MACF1: variants seen among roughly 807,000 people sequenced by gnomAD.
MACF1 encodes the protein microtubule actin crosslinking factor 1, also known as microtubule-actin cross-linking factor 1.
Under a neutral mutation model 854.8 loss-of-function variants are expected in MACF1, and 193 were observed. The ratio of observed to expected loss-of-function variants is 0.23; its 90% CI spans 0.20 to 0.25. The LOEUF (loss-of-function observed/expected upper bound fraction) is 0.25. Among genes scored for constraint, MACF1 ranks in the 10% least tolerant of loss-of-function variants. The probability of loss-of-function intolerance (pLI) is 1.00; values close to 1 mark genes in which losing one functional copy is unlikely to be tolerated. For synonymous variants in MACF1, 3,185 were observed against 3,226.7 expected (o/e 0.99, Z 0.44); for missense variants, 7,722 against 8,929.1 (o/e 0.86, Z 5.45).
chr1:39,134,969 C>T (rs1366290451), intron 2 of MACF1, among the ~76,000 whole-genome samples: 1 of 152,156 alleles, frequency 6.6e-6, no homozygotes, highest in Non-Finnish European at 1.5e-5. Context: ...CCCCTGGCAA[C>T]CACAATTCTA....
At chr1:39,372,620 T>C in intron 52 of MACF1, 24 bp downstream of exon 52, 11 of 1,492,042 alleles carry the variant, frequency 7.4e-6, no homozygotes, top group African/African-American at 1.4e-5. Context: ...CTTCAAAATA[T>C]AGTGAATAAA....
At chr1:39,439,181 T>C in intron 71 of MACF1, 93 bp from the exon 72 acceptor site, 1 of 596,404 alleles carries the variant, frequency 1.7e-6, no homozygotes, top group Non-Finnish European at 3.0e-6. Flanking sequence ...AATAGTTTCA[T>C]TGAAAAGGTC....
At chr1:39,449,697 A>AT (rs4012670) in intron 84 of MACF1, among the ~76,000 whole-genome samples, 4,517 of 129,738 alleles carry the variant, frequency 0.035, 152 homozygotes, top group African/African-American at 0.077. Flanking sequence ...CGCGCCTGGC[A>AT]TTTTTTTTTT....
intron 2 of MACF1, among the ~76,000 whole-genome samples, chr1:39,192,878 C>G (rs1296609702): frequency 6.6e-6 from 1 of 152,070 alleles, no homozygotes; most frequent in African/African-American, 2.4e-5. Context: ...TAACCCGAGG[C>G]GGGTGGATAT....
chr1:39,115,087 A>T (rs1172852359), intron 2 of MACF1, among the ~76,000 whole-genome samples: 1 of 152,168 alleles, frequency 6.6e-6, no homozygotes, highest in African/African-American at 2.4e-5. Context: ...TTTGTATGTC[A>T]TATTGTATAG....
chr1:39,343,898 C>T (rs1035138737), intron 40 of MACF1, among the ~76,000 whole-genome samples: 1 of 152,076 alleles, frequency 6.6e-6, no homozygotes, highest in Non-Finnish European at 1.5e-5. Flanking sequence ...GGCGGATCAC[C>T]TGAGGTCGGG....
In MACF1 at chr1:39,439,308, C is replaced by A. The variant is rs768625818; in HGVS notation, c.18255C>A (p.Phe6085Leu). ...IQDKLDQMVF[F>L]WEDIKARAEE... The stretch of plus-strand genomic sequence containing the variant: ...ATAAATTGGATCAAATGGTATTCTT[C>A]TGGGAGGACATCAAAGCTCGGGCTG... The change falls in exon 72 of 101, where the codon TTC (phenylalanine) becomes TTA (leucine). Residue 6085 changes from phenylalanine (F) to leucine (L), a missense_variant. Phe to Leu is a conservative substitution (Grantham distance 22). Around this residue, in one of 15 missense-constraint regions of MACF1, gnomAD observed 2,807 missense variants for 3,235.8 expected, o/e 0.87. Coordinates refer to ENST00000564288, the MANE Select transcript of MACF1 (RefSeq NM_001394062.1). The A allele has an allele frequency of 2.5e-6, 4 of 1,613,608 alleles. No individual in the cohort carries two copies. Among genetic ancestry groups the A allele is most frequent in the East Asian group, 2.2e-5 (1 of 44,880 alleles).
chr1:39,324,561 T>G (rs1646574221), intron 34 of MACF1, 85 bp from the exon 35 acceptor site: 1 of 1,222,618 alleles, frequency 8.2e-7, no homozygotes, highest in African/African-American at 1.5e-5. Context: ...ATATTTTCTC[T>G]AGGATTTAAA....
intron 2 of MACF1, among the ~76,000 whole-genome samples, chr1:39,119,317 C>CAAAAAA (rs745686071): frequency 7.1e-5 from 6 of 84,708 alleles, no homozygotes; most frequent in African/African-American, 2.3e-4. Flanking sequence ...AACTCCGTCT[C>CAAAAAA]AAAAAAAAAA....
At chr1:39,281,649 C>T (rs1344757262) in intron 6 of MACF1, among the ~76,000 whole-genome samples, 2 of 152,052 alleles carry the variant, frequency 1.3e-5, no homozygotes, top group Admixed American at 1.3e-4. Context: ...AGCCACTGCA[C>T]CTGGTGTGAA....
intron 92 of MACF1, among the ~76,000 whole-genome samples, chr1:39,461,077 C>CT (rs1166372928): frequency 2.9e-5 from 4 of 138,702 alleles, no homozygotes; most frequent in African/African-American, 1.1e-4. Flanking sequence ...GAGTGAGACT[C>CT]TGTCTCAAAA....
At chr1:39,386,214 G>A (rs1263734031) in intron 57 of MACF1, among the ~76,000 whole-genome samples, 1 of 151,132 alleles carries the variant, frequency 6.6e-6, no homozygotes, top group Non-Finnish European at 1.5e-5. Flanking sequence ...ACTGATAAAT[G>A]GAGTTCCACA....
chr1:39,194,135 G>A (rs1355603056), intron 2 of MACF1, among the ~76,000 whole-genome samples: 1 of 151,920 alleles, frequency 6.6e-6, no homozygotes, highest in Non-Finnish European at 1.5e-5. Flanking sequence ...ACCTGGCCAA[G>A]AGTGAGTTTT....
chr1:39,141,625 T>C (rs900695717), intron 2 of MACF1, among the ~76,000 whole-genome samples: 3 of 152,230 alleles, frequency 2.0e-5, no homozygotes, highest in Non-Finnish European at 4.4e-5. Flanking sequence ...TGGTTTGTAG[T>C]AAGCATGCAG....
chr1:39,276,176 T>A (rs914183518), intron 6 of MACF1, among the ~76,000 whole-genome samples: 1 of 152,140 alleles, frequency 6.6e-6, no homozygotes, highest in African/African-American at 2.4e-5. Flanking sequence ...TGCCTATGCC[T>A]CCCAAAGTGG....
chr1:39,223,462 G>C (rs1473409073), intron 1 of MACF1, among the ~76,000 whole-genome samples: 1 of 151,880 alleles, frequency 6.6e-6, no homozygotes, highest in Non-Finnish European at 1.5e-5. Flanking sequence ...GCATTAGAAA[G>C]AATAGATACA....
intron 67 of MACF1, among the ~76,000 whole-genome samples, 171 bp from the exon 68 acceptor site, chr1:39,432,877 A>G (rs1643898006): frequency 6.6e-6 from 1 of 152,216 alleles, no homozygotes; most frequent in African/African-American, 2.4e-5. Context: ...TCCTTGATAG[A>G]AATTTTTGTA....
At chr1:39,284,957 G>A in intron 11 of MACF1, 126 bp from the exon 12 acceptor site, 1 of 1,292,936 alleles carries the variant, frequency 7.7e-7, no homozygotes, top group Non-Finnish European at 1.1e-6. Context: ...GTTTTTCCAT[G>A]TTAGACAATA....
chr1:39,426,755 G>T (rs565463638), intron 61 of MACF1, among the ~76,000 whole-genome samples: 101 of 151,080 alleles, frequency 6.7e-4, no homozygotes, highest in African/African-American at 2.3e-3. Context: ...AAAGTCTGTA[G>T]TTTTTTTTGT....
Sources: gnomAD v4.1 joint callset for allele counts (sites outside exome capture counted in the v4.1 genomes callset) on GRCh38, gnomAD v4.1.1 for gene constraint, gnomAD v4.1.1 regional missense constraint, MANE v1.5 for transcripts, NCBI Gene and HGNC (gene_info 2026-07-23, HGNC 2026-07-21) for gene names.